ZBTB16: variants seen among roughly 807,000 people sequenced by gnomAD.
ZBTB16 encodes zinc finger and BTB domain-containing protein 16.
ZBTB16 carries 8 observed loss-of-function variants against 56.8 expected under a neutral mutation model. The ratio of observed to expected loss-of-function variants is 0.14; its 90% CI spans 0.08 to 0.25. The LOEUF (loss-of-function observed/expected upper bound fraction) is 0.25, where lower values mean the gene tolerates loss of function less well. Among genes scored for constraint, ZBTB16 ranks in the 10% least tolerant of loss-of-function variants. The pLI, the probability that ZBTB16 is intolerant of heterozygous loss-of-function variation, is 1.00. For synonymous variants in ZBTB16, 363 were observed against 368.5 expected (o/e 0.98, Z 0.17); for missense variants, 625 against 903.0 (o/e 0.69, Z 3.95).
At position 114,194,423 on chromosome 11, in the gene ZBTB16, T is replaced by A. The variant is rs1943563089; in HGVS notation, c.1453+7385T>A. The stretch of plus-strand genomic sequence containing the variant: ...CCCTCCTTGCCCCCTGCCCTCAAGA[T>A]CTTGACGGGCTCAAGCTGGTGTTCT... On this transcript the variant is annotated intron_variant, in intron 4 of 6. Coordinates refer to ENST00000335953, the MANE Select transcript of ZBTB16 (RefSeq NM_006006.6). Among the ~76,000 whole-genome samples, 4 of 152,326 alleles carry A rather than the reference T, an allele frequency of 2.6e-5. No individual in the cohort carries two copies. The South Asian group carries it at 8.3e-4, about 32-fold the overall frequency.
intron 2 of ZBTB16, among the ~76,000 whole-genome samples, chr11:114,088,140 CTTTTT>C (rs10695166): frequency 1.5e-4 from 19 of 123,056 alleles, no homozygotes; most frequent in African/African-American, 3.1e-4. Flanking sequence ...CCAGATACTT[CTTTTT>C]TTTTTTTTTT....
intron 2 of ZBTB16, among the ~76,000 whole-genome samples, chr11:114,107,649 C>T (rs1240403641): frequency 6.6e-6 from 1 of 152,116 alleles, no homozygotes; most frequent in Non-Finnish European, 1.5e-5. Context: ...AGGGTGGGTG[C>T]GCAACATTGA....
In ZBTB16 at chr11:114,247,340, G is replaced by T. The variant is rs1055598878; in HGVS notation, c.1767G>T (p.Leu589=). The change falls in exon 6 of 7, where the codon CTG becomes CTT. Residue 589 remains leucine, a synonymous_variant. Coordinates refer to ENST00000335953, the MANE Select transcript of ZBTB16 (RefSeq NM_006006.6). Reference sequence around the variant, plus strand: ...AGAAGTTCAGCCTCAAGCATCAGCTGGAGACGCACTATAGGGTGCACACAG... The same window carrying T: ...AGAAGTTCAGCCTCAAGCATCAGCTTGAGACGCACTATAGGGTGCACACAG... ...CGKKFSLKHQ[L]ETHYRVHTGE... The T allele has an allele frequency of 2.5e-6, 4 of 1,614,146 alleles. No homozygotes were observed. The highest frequency in any genetic ancestry group is 3.4e-6 in the Non-Finnish European group (4 of 1,180,056).
chr11:114,249,042 A>G (rs148770048), intron 6 of ZBTB16, among the ~76,000 whole-genome samples: 1 of 152,154 alleles, frequency 6.6e-6, no homozygotes, highest in Non-Finnish European at 1.5e-5. Flanking sequence ...ATGGAAGGAA[A>G]GTTGGGGTAT....
At chr11:114,208,548 G>A (rs531593764) in intron 4 of ZBTB16, among the ~76,000 whole-genome samples, 1 of 152,292 alleles carries the variant, frequency 6.6e-6, no homozygotes, top group African/African-American at 2.4e-5. Flanking sequence ...TGATGTCATT[G>A]TGATGTTTCC....
chr11:114,104,570 GC>G (rs1385869800), intron 2 of ZBTB16, among the ~76,000 whole-genome samples: 1 of 152,156 alleles, frequency 6.6e-6, no homozygotes, highest in Non-Finnish European at 1.5e-5. Context: ...GGTTTGCTGT[GC>G]GTTTTCCAGA....
At chr11:114,248,189 G>T (rs576329315) in intron 6 of ZBTB16, among the ~76,000 whole-genome samples, 1 of 152,152 alleles carries the variant, frequency 6.6e-6, no homozygotes, top group Non-Finnish European at 1.5e-5. Flanking sequence ...GTGAGCCACC[G>T]TGCCCATCCA....
chr11:114,204,379 A>G (rs1943804842), intron 4 of ZBTB16, among the ~76,000 whole-genome samples: 1 of 152,126 alleles, frequency 6.6e-6, no homozygotes, highest in African/African-American at 2.4e-5. Flanking sequence ...ACCTCAGGTG[A>G]TCCACCCACC....
In ZBTB16 at chr11:114,081,361, A is replaced by G. The variant is rs117353043; in HGVS notation, c.1268+16793A>G. Among the ~76,000 whole-genome samples, 333 of 152,272 alleles carry G rather than the reference A, an allele frequency of 2.2e-3. 11 individuals are homozygous for G. In the East Asian group the frequency reaches 0.055, roughly 25 times the overall value. On this transcript the variant is annotated intron_variant, in intron 2 of 6. Coordinates refer to ENST00000335953, the MANE Select transcript of ZBTB16 (RefSeq NM_006006.6). ...TTTGAGACCCAAAGATTGCTAAGAC[A>G]TGGGACTTTTCCTTGAAGAGCTTAT...
intron 2 of ZBTB16, among the ~76,000 whole-genome samples, chr11:114,100,319 G>C (rs1940563210): frequency 2.0e-5 from 3 of 152,272 alleles, no homozygotes; most frequent in South Asian, 2.1e-4. Flanking sequence ...AGGAAGACTT[G>C]GTGATTTTGG....
intron 2 of ZBTB16, among the ~76,000 whole-genome samples, chr11:114,122,324 A>G (rs1008580456): frequency 2.6e-5 from 4 of 152,174 alleles, no homozygotes; most frequent in African/African-American, 4.8e-5. Context: ...GTTGGTTTCA[A>G]TTCAATGGAT....
intron 2 of ZBTB16, among the ~76,000 whole-genome samples, chr11:114,119,773 T>C (rs543737852): frequency 5.6e-4 from 85 of 152,344 alleles, no homozygotes; most frequent in African/African-American, 1.9e-3. Flanking sequence ...TTTTGTGGTA[T>C]TGTTAAATCA....
At chr11:114,201,849 G>T (rs1343488431) in intron 4 of ZBTB16, among the ~76,000 whole-genome samples, 1 of 152,174 alleles carries the variant, frequency 6.6e-6, no homozygotes, top group Admixed American at 6.5e-5. Flanking sequence ...TAATAATGAT[G>T]ATTTACAAGC....
At chr11:114,085,998 C>T (rs887072945) in intron 2 of ZBTB16, among the ~76,000 whole-genome samples, 4 of 152,080 alleles carry the variant, frequency 2.6e-5, no homozygotes, top group Admixed American at 6.5e-5. Flanking sequence ...CAGCCTTCTA[C>T]GTATTTAGTG....
At chr11:114,204,582 T>A (rs1201927453) in intron 4 of ZBTB16, among the ~76,000 whole-genome samples, 2 of 152,204 alleles carry the variant, frequency 1.3e-5, no homozygotes, top group East Asian at 3.9e-4. Flanking sequence ...TTCGTTTTTT[T>A]CTCCCCATGA....
At chr11:114,213,914 A>T (rs185121535) in intron 4 of ZBTB16, among the ~76,000 whole-genome samples, 12 of 152,260 alleles carry the variant, frequency 7.9e-5, no homozygotes, top group Admixed American at 7.2e-4. Flanking sequence ...CAGAGTTCAC[A>T]CTTGAACTAC....
intron 3 of ZBTB16, among the ~76,000 whole-genome samples, chr11:114,184,313 A>C (rs921924272): frequency 6.6e-6 from 1 of 152,218 alleles, no homozygotes; most frequent in Non-Finnish European, 1.5e-5. Flanking sequence ...TCTGTGCTGG[A>C]ACAGCTTGTA....
rs547209520 is a variant in ZBTB16, at chr11:114,060,708, GC to G, written c.-91+829del. 6.6e-6 allele frequency: 1 copy of G among 152,396 alleles called. No homozygotes were observed. Among genetic ancestry groups the G allele is most frequent in the African/African-American group, 2.4e-5 (1 of 41,564 alleles). 9.4% of individuals were successfully genotyped at this position (152,396 alleles called of 1,614,324 possible). A position where few individuals can be genotyped will look rare whatever the true frequency, so the allele number is the denominator to read the frequency against. ...GCTTGAAATGCGCACGGTCCCGCCG[GC>G]CCGCGGAACCACCCGGACGCACGGA... On this transcript the variant is annotated intron_variant, in intron 1 of 6. Coordinates refer to ENST00000335953, the MANE Select transcript of ZBTB16 (RefSeq NM_006006.6). The surrounding 1 kb of genome is among the most constrained non-coding windows in gnomAD (Gnocchi z 6.0).
intron 4 of ZBTB16, among the ~76,000 whole-genome samples, chr11:114,230,773 C>T (rs547628529): frequency 4.6e-5 from 7 of 151,990 alleles, no homozygotes; most frequent in South Asian, 4.2e-4. Context: ...ATTTAAATGG[C>T]GCTGAAACAA....
Sources: allele counts gnomAD v4.1 joint callset (sites outside exome capture counted in the v4.1 genomes callset), GRCh38; gene constraint gnomAD v4.1.1; non-coding constraint Gnocchi (gnomAD v3.1); transcripts MANE v1.5; gene names NCBI Gene and HGNC (gene_info 2026-07-23, HGNC 2026-07-21).